Variants in CAMK1D observed in about 807,000 individuals in gnomAD.
The protein encoded by CAMK1D is calcium/calmodulin dependent protein kinase ID.
A neutral mutation model predicts 47.7 loss-of-function variants in CAMK1D; 9 were observed. That is an observed-to-expected ratio of 0.19 (90% CI 0.11 to 0.33). The LOEUF (loss-of-function observed/expected upper bound fraction) is 0.33, where lower values mean the gene tolerates loss of function less well. Ranked by LOEUF, CAMK1D falls within the 10% of genes least tolerant of loss-of-function variation. The pLI is 1.00. For synonymous variants in CAMK1D, 184 were observed against 184.9 expected (o/e 0.99, Z 0.04); for missense variants, 291 against 488.7 (o/e 0.60, Z 3.81).
chr10:12,785,008 G>A (rs964420813), intron 5 of CAMK1D, among the ~76,000 whole-genome samples: 4 of 152,182 alleles, frequency 2.6e-5, no homozygotes, highest in Non-Finnish European at 5.9e-5. Context: ...TTGTGTTACA[G>A]GATTTTGATG....
rs1379467018 is a variant in CAMK1D, at chr10:12,408,946, C to T, written c.92+59036C>T. 4.6e-5 allele frequency among the ~76,000 whole-genome samples: 7 copies of T among 151,210 alleles called. No homozygotes were observed. In the South Asian group the frequency reaches 8.4e-4, roughly 18 times the overall value. On this transcript the variant is annotated intron_variant, in intron 1 of 10. Coordinates refer to ENST00000619168, the MANE Select transcript of CAMK1D (RefSeq NM_153498.4). ...TCAGCTCACTGCAACCTCCACCTCC[C>T]GGATTCAAGCAATTCTCCTGCCTCA... is the stretch of plus-strand genomic sequence containing the variant.
intron 2 of CAMK1D, among the ~76,000 whole-genome samples, chr10:12,616,183 AGT>A (rs1434767132): frequency 1.3e-5 from 2 of 152,120 alleles, no homozygotes; most frequent in African/African-American, 4.8e-5. Flanking sequence ...GTTTCATATG[AGT>A]GTGCACATGT....
intron 1 of CAMK1D, among the ~76,000 whole-genome samples, chr10:12,482,633 T>C (rs1834098391): frequency 6.6e-6 from 1 of 152,192 alleles, no homozygotes; most frequent in South Asian, 2.1e-4. Context: ...TTTTCCCCCA[T>C]ATGCGTGTAT....
At chr10:12,738,431 T>G (rs180805157) in intron 3 of CAMK1D, among the ~76,000 whole-genome samples, 2 of 152,238 alleles carry the variant, frequency 1.3e-5, no homozygotes, top group South Asian at 4.1e-4. Flanking sequence ...GAATTCTTTT[T>G]CTAGGAATGG....
intron 1 of CAMK1D, among the ~76,000 whole-genome samples, chr10:12,533,090 T>G (rs999604636): frequency 2.0e-5 from 3 of 152,234 alleles, no homozygotes; most frequent in African/African-American, 7.2e-5. Flanking sequence ...TTGCATTGTT[T>G]GTAACACAAA....
intron 3 of CAMK1D, among the ~76,000 whole-genome samples, chr10:12,675,522 C>T (rs1020643924): frequency 1.3e-5 from 2 of 152,198 alleles, no homozygotes; most frequent in Non-Finnish European, 2.9e-5. Context: ...CCAACAATCC[C>T]ATCCCTTGGC....
chr10:12,649,651 CA>C (rs1208951739), intron 2 of CAMK1D, among the ~76,000 whole-genome samples: 7 of 152,140 alleles, frequency 4.6e-5, no homozygotes, highest in African/African-American at 1.4e-4. Context: ...TTTCCTCTGG[CA>C]GTCCCCCTTT....
At chr10:12,675,250 G>T (rs749152560) in intron 3 of CAMK1D, among the ~76,000 whole-genome samples, 2 of 152,090 alleles carry the variant, frequency 1.3e-5, no homozygotes, top group African/African-American at 2.4e-5. Flanking sequence ...ATTTCCATAT[G>T]TGGGTAACTC....
chr10:12,717,035 T>G (rs1042682648), intron 3 of CAMK1D, among the ~76,000 whole-genome samples: 2 of 152,236 alleles, frequency 1.3e-5, no homozygotes, highest in African/African-American at 4.8e-5. Flanking sequence ...AAAAACAGAA[T>G]GCCATTACTT....
At chr10:12,590,981 C>T (rs1188638628) in intron 2 of CAMK1D, among the ~76,000 whole-genome samples, 1 of 152,168 alleles carries the variant, frequency 6.6e-6, no homozygotes, top group East Asian at 1.9e-4. Flanking sequence ...AATCTTTATG[C>T]CTCCGATTTT....
At chr10:12,642,726 C>T (rs1005724356) in intron 2 of CAMK1D, among the ~76,000 whole-genome samples, 1 of 151,694 alleles carries the variant, frequency 6.6e-6, no homozygotes, top group African/African-American at 2.4e-5. Context: ...TACCACTCAC[C>T]CTCTTTTTAG....
intron 8 of CAMK1D, among the ~76,000 whole-genome samples, chr10:12,820,279 C>T (rs952157940): frequency 3.9e-5 from 6 of 152,188 alleles, no homozygotes; most frequent in African/African-American, 1.2e-4. Context: ...ACCTTGTGAT[C>T]CCAAAGTGCT....
intron 1 of CAMK1D, among the ~76,000 whole-genome samples, chr10:12,451,649 C>G (rs17569335): frequency 0.22 from 33,834 of 152,124 alleles, 4,678 homozygotes; most frequent in Non-Finnish European, 0.31. Context: ...ATTTCTTGAA[C>G]TGGTAAATCT....
intron 4 of CAMK1D, among the ~76,000 whole-genome samples, chr10:12,767,154 C>T (rs932031922): frequency 5.9e-5 from 9 of 152,136 alleles, no homozygotes; most frequent in African/African-American, 9.7e-5. Context: ...ATACCTGAGA[C>T]AGGTCTCAGT....
chr10:12,540,882 G>A (rs1459161343), intron 1 of CAMK1D, among the ~76,000 whole-genome samples: 1 of 150,182 alleles, frequency 6.7e-6, no homozygotes, highest in Non-Finnish European at 1.5e-5. Flanking sequence ...GAACTGGTTG[G>A]TCGGGCACTG....
chr10:12,571,667 C>T (rs147135693), intron 2 of CAMK1D, among the ~76,000 whole-genome samples: 59 of 152,110 alleles, frequency 3.9e-4, no homozygotes, highest in African/African-American at 1.4e-3. Context: ...GTGTTGCCTC[C>T]ATTGTAACAC....
At chr10:12,760,230 A>G (rs1836437529) in intron 3 of CAMK1D, among the ~76,000 whole-genome samples, 1 of 152,192 alleles carries the variant, frequency 6.6e-6, no homozygotes, top group Non-Finnish European at 1.5e-5. Context: ...CCCATTTTGA[A>G]AAATGTTTAA....
chr10:12,735,273 A>G (rs924343894), intron 3 of CAMK1D, among the ~76,000 whole-genome samples: 5 of 152,278 alleles, frequency 3.3e-5, no homozygotes, highest in East Asian at 1.9e-4. Context: ...TCAGGAGATC[A>G]AGACCATCCT....
intron 1 of CAMK1D, among the ~76,000 whole-genome samples, chr10:12,443,342 C>T (rs577273848): frequency 2.6e-5 from 4 of 152,180 alleles, no homozygotes; most frequent in Admixed American, 1.3e-4. Context: ...AGAATCTCTG[C>T]GGTGACACAG....
Sources: gnomAD v4.1 joint callset for allele counts (sites outside exome capture counted in the v4.1 genomes callset) on GRCh38, gnomAD v4.1.1 for gene constraint, MANE v1.5 for transcripts, NCBI Gene and HGNC (gene_info 2026-07-23, HGNC 2026-07-21) for gene names.